The following PARD3B variants were observed in gnomAD, a reference collection of about 807,000 sequenced individuals.
PARD3B encodes partitioning defective 3 homolog B.
A neutral mutation model predicts 130.2 loss-of-function variants in PARD3B; 103 were observed. That is an observed-to-expected ratio of 0.79 (90% CI 0.67 to 0.93). The LOEUF (loss-of-function observed/expected upper bound fraction) is 0.93. Among genes scored for constraint, PARD3B ranks in the 40% least tolerant of loss-of-function variants. The probability of loss-of-function intolerance (pLI) is 0.00; values close to 1 mark genes in which losing one functional copy is unlikely to be tolerated. For synonymous variants in PARD3B, 583 were observed against 553.2 expected (o/e 1.05, Z -0.76); for missense variants, 1,609 against 1,499.2 (o/e 1.07, Z -1.21).
At chr2:205,246,432 C>T (rs1028700559) in intron 16 of PARD3B, among the ~76,000 whole-genome samples, 1 of 152,096 alleles carries the variant, frequency 6.6e-6, no homozygotes, top group South Asian at 2.1e-4. Context: ...ATTGCCAAGT[C>T]GACTGCCTTC....
At chr2:204,645,077 T>C (rs1182433696) in intron 1 of PARD3B, among the ~76,000 whole-genome samples, 2 of 152,176 alleles carry the variant, frequency 1.3e-5, no homozygotes, top group Non-Finnish European at 2.9e-5. Context: ...AGAGATTTTA[T>C]TTGATATTAA....
At chr2:205,437,277 G>A (rs774849935) in intron 19 of PARD3B, among the ~76,000 whole-genome samples, 1 of 152,154 alleles carries the variant, frequency 6.6e-6, no homozygotes, top group Non-Finnish European at 1.5e-5. Flanking sequence ...GGGAAGTAGA[G>A]TCACTTACTT....
chr2:204,661,122 T>G (rs2035794838), intron 1 of PARD3B, among the ~76,000 whole-genome samples: 1 of 152,190 alleles, frequency 6.6e-6, no homozygotes, highest in African/African-American at 2.4e-5. Flanking sequence ...TTGAGGGACA[T>G]TTTTGAAGCA....
At chr2:205,416,339 C>G (rs2046774542) in intron 19 of PARD3B, among the ~76,000 whole-genome samples, 1 of 152,092 alleles carries the variant, frequency 6.6e-6, no homozygotes, top group East Asian at 1.9e-4. Flanking sequence ...ATAACCATTC[C>G]TTAATGAATT....
At position 204,678,578 on chromosome 2, in the gene PARD3B, G is replaced by A. The variant is rs1055518360; in HGVS notation, c.121-7603G>A. Among the ~76,000 whole-genome samples the A allele has an allele frequency of 6.6e-6, 1 of 152,110 alleles. No homozygotes were observed. The highest frequency in any genetic ancestry group is 2.4e-5 in the African/African-American group (1 of 41,420). Reference sequence around the variant, plus strand: ...TTGAAGCCTGGCTGACTCCAGCCGGGTCGTCTCCGAAGTCGTGTGGTCTGA... The same window carrying A: ...TTGAAGCCTGGCTGACTCCAGCCGGATCGTCTCCGAAGTCGTGTGGTCTGA... On this transcript the variant is annotated intron_variant, in intron 1 of 22. Transcript: ENST00000406610. This position sits in a 1 kb window ranked among gnomAD's most constrained non-coding sequence, Gnocchi z 4.2.
At chr2:205,331,915 G>A (rs1311348686) in intron 18 of PARD3B, among the ~76,000 whole-genome samples, 3 of 151,292 alleles carry the variant, frequency 2.0e-5, no homozygotes, top group South Asian at 2.1e-4. Context: ...AAACCAGTTC[G>A]GCCAACTGTG....
At chr2:205,147,679 G>A (rs1460813394) in intron 10 of PARD3B, among the ~76,000 whole-genome samples, 2 of 152,026 alleles carry the variant, frequency 1.3e-5, no homozygotes, top group East Asian at 1.9e-4. Flanking sequence ...ATCTGTCGTC[G>A]AAAATTATTT....
intron 3 of PARD3B, among the ~76,000 whole-genome samples, chr2:205,000,092 C>T (rs1312039464): frequency 6.6e-6 from 1 of 151,758 alleles, no homozygotes; most frequent in Non-Finnish European, 1.5e-5. Context: ...ACTGAACAGG[C>T]AGCTTTGTGG....
At chr2:205,077,768 CAT>C (rs1333548785) in intron 4 of PARD3B, among the ~76,000 whole-genome samples, 3 of 152,034 alleles carry the variant, frequency 2.0e-5, no homozygotes, top group African/African-American at 7.2e-5. Context: ...TTATAGAACA[CAT>C]GAGCATTAAG....
rs535110088 is a variant in PARD3B at position 205,005,971 on chromosome 2, C to T, written c.394+40648C>T. Among the ~76,000 whole-genome samples, 3 of 152,266 alleles carry T rather than the reference C, an allele frequency of 2.0e-5. No individual in the cohort carries two copies. The South Asian group carries it at 6.2e-4, about 32-fold the overall frequency. ...TTGTCTCTCACCCTCCTCCTAACTT[C>T]CCCGCACTGAGTCCCCGAAGTTCAT... On this transcript the variant is annotated intron_variant, in intron 3 of 22. Coordinates refer to ENST00000406610, the MANE Select transcript of PARD3B (RefSeq NM_001302769.2).
Position 205,363,356 on chromosome 2 carries a change from G to A in PARD3B, c.2631-37657G>A, listed in dbSNP as rs149500401. On this transcript the variant is annotated intron_variant, in intron 18 of 22. Coordinates refer to ENST00000406610, the MANE Select transcript of PARD3B (RefSeq NM_001302769.2). Reference sequence around the variant, plus strand: ...AGTGGAGAGGAGAGGGGCCTTACCCGCCAAATCCATAGGTTTTCCAAGACT... The same window carrying A: ...AGTGGAGAGGAGAGGGGCCTTACCCACCAAATCCATAGGTTTTCCAAGACT... Among the ~76,000 whole-genome samples, 578 of 152,208 alleles carry A rather than the reference G, an allele frequency of 3.8e-3. 3 individuals carry two copies. Among genetic ancestry groups the A allele is most frequent in the African/African-American group, 0.013 (537 of 41,530 alleles).
At chr2:204,879,382 A>C (rs2045957255) in intron 2 of PARD3B, among the ~76,000 whole-genome samples, 1 of 152,114 alleles carries the variant, frequency 6.6e-6, no homozygotes, top group South Asian at 2.1e-4. Context: ...ATTTAAAGTG[A>C]ATCTTTAAGG....
chr2:205,120,308 A>G (rs907226660), intron 7 of PARD3B, among the ~76,000 whole-genome samples: 1 of 152,160 alleles, frequency 6.6e-6, no homozygotes, highest in African/African-American at 2.4e-5. Context: ...TAGAGTTAGT[A>G]TGGAGTAGAA....
chr2:204,869,429 C>A (rs183415567), intron 2 of PARD3B, among the ~76,000 whole-genome samples: 1 of 152,006 alleles, frequency 6.6e-6, no homozygotes, highest in African/African-American at 2.4e-5. Flanking sequence ...TCTAAGATGC[C>A]TCTGATGATC....
intron 2 of PARD3B, among the ~76,000 whole-genome samples, chr2:204,900,508 T>C: frequency 6.6e-6 from 1 of 152,266 alleles, no homozygotes; most frequent in East Asian, 1.9e-4. Flanking sequence ...GACAGGTTTT[T>C]GAATTCCTTC....
intron 3 of PARD3B, among the ~76,000 whole-genome samples, chr2:205,025,533 G>T: frequency 6.6e-6 from 1 of 152,128 alleles, no homozygotes; most frequent in East Asian, 1.9e-4. Context: ...GTTACTCTGG[G>T]ATTGTTGACA....
At chr2:205,541,814 C>G (rs1247861902) in intron 21 of PARD3B, among the ~76,000 whole-genome samples, 1 of 152,046 alleles carries the variant, frequency 6.6e-6, no homozygotes, top group Admixed American at 6.6e-5. Context: ...GCTACCAAAA[C>G]TGAAGAAACA....
chr2:205,235,860 G>A (rs2039038402), intron 15 of PARD3B, among the ~76,000 whole-genome samples: 1 of 152,164 alleles, frequency 6.6e-6, no homozygotes, highest in African/African-American at 2.4e-5. Flanking sequence ...TTAAGCATAA[G>A]AGAAATAAAA....
In PARD3B at chr2:204,820,071, CT is replaced by C. The variant is rs557143420; in HGVS notation, c.222+133810del. 6.2e-3 allele frequency among the ~76,000 whole-genome samples: 614 copies of C among 98,426 alleles called. 8 individuals carry two copies. Among genetic ancestry groups the C allele is most frequent in the African/African-American group, 0.022 (483 of 22,450 alleles). 64.6% of individuals were successfully genotyped at this position (98,426 alleles called of 152,430 possible). ...GAAGGTGGCTACATTAAACAATAGACTTTTTTTTTTTTTTTTTTTTTGAGAC... is the reference window on the plus strand; with the variant it reads ...GAAGGTGGCTACATTAAACAATAGACTTTTTTTTTTTTTTTTTTTTGAGAC... On this transcript the variant is annotated intron_variant, in intron 2 of 22. Transcript: ENST00000406610.
Sources: gnomAD v4.1 joint callset for allele counts (sites outside exome capture counted in the v4.1 genomes callset) on GRCh38, gnomAD v4.1.1 for gene constraint, Gnocchi (gnomAD v3.1) non-coding constraint, MANE v1.5 for transcripts, NCBI Gene and HGNC (gene_info 2026-07-23, HGNC 2026-07-21) for gene names.